The following LYN variants were observed in gnomAD, a reference collection of about 807,000 sequenced individuals.
LYN encodes the protein tyrosine-protein kinase Lyn.
A neutral mutation model predicts 65.0 loss-of-function variants in LYN; 12 were observed. That is an observed-to-expected ratio of 0.18 (90% CI 0.12 to 0.30). The LOEUF is 0.30. Among genes scored for constraint, LYN ranks in the 10% least tolerant of loss-of-function variants. The pLI is 1.00. For synonymous variants in LYN, 222 were observed against 221.2 expected (o/e 1.00, Z -0.03); for missense variants, 380 against 623.2 (o/e 0.61, Z 4.16).
chr8:55,934,694 C>A (rs566327658), intron 1 of LYN, among the ~76,000 whole-genome samples: 1 of 152,314 alleles, frequency 6.6e-6, no homozygotes, highest in Admixed American at 6.5e-5. Flanking sequence ...GAGCCAACTC[C>A]TTATTCAGAC....
intron 1 of LYN, among the ~76,000 whole-genome samples, chr8:55,921,209 A>G (rs554172043): frequency 6.6e-6 from 1 of 152,340 alleles, no homozygotes; most frequent in Non-Finnish European, 1.5e-5. Flanking sequence ...GCTGCTGACC[A>G]CAAACTATGG....
intron 8 of LYN, chr8:55,955,063 G>A (rs952824654): frequency 1.3e-5 from 2 of 152,136 alleles, no homozygotes; most frequent in Non-Finnish European, 2.9e-5. Flanking sequence ...AAGCAAATGT[G>A]ATTTCTAAAT....
chr8:56,003,217 G>T (rs368233871), intron 12 of LYN, among the ~76,000 whole-genome samples: 1 of 150,342 alleles, frequency 6.7e-6, no homozygotes, highest in Non-Finnish European at 1.5e-5. Flanking sequence ...CCGCCACCAC[G>T]CCCAGCTAAT....
intron 4 of LYN, 150 bp downstream of exon 4, chr8:55,947,873 G>A (rs1232818963): frequency 1.6e-6 from 1 of 612,016 alleles, no homozygotes; most frequent in African/African-American, 1.9e-5. Flanking sequence ...CACAGGGAGT[G>A]GGCAGTGGAA....
Position 56,002,406 on chromosome 8 carries a change from G to A in LYN, c.1336+2857G>A, listed in dbSNP as rs563202512. Among the ~76,000 whole-genome samples the A allele has an allele frequency of 6.0e-4, 91 of 150,726 alleles. No homozygotes were observed. The South Asian group carries it at 0.012, about 20-fold the overall frequency. Reference sequence around the variant, plus strand: ...TGCAATCCAGCCTGGGTGACAGAGCGAGACTCCATCTTAAAAAAATAAAAA... The same window carrying A: ...TGCAATCCAGCCTGGGTGACAGAGCAAGACTCCATCTTAAAAAAATAAAAA... On this transcript the variant is annotated intron_variant, in intron 12 of 12. Coordinates refer to ENST00000519728, the MANE Select transcript of LYN (RefSeq NM_002350.4).
chr8:55,941,359 AGGTT>A (rs1168599891), intron 1 of LYN, among the ~76,000 whole-genome samples: 2 of 152,138 alleles, frequency 1.3e-5, no homozygotes, highest in Admixed American at 1.3e-4. Context: ...TGAAGAGATT[AGGTT>A]GATCTAGCTC....
chr8:55,887,561 T>TAA (rs201517305), intron 1 of LYN, among the ~76,000 whole-genome samples: 2,864 of 62,914 alleles, frequency 0.046, 136 homozygotes, highest in East Asian at 0.19. Context: ...AATATAAATA[T>TAA]ATATATATAT....
At chr8:55,973,611 A>C (rs1176321557) in intron 10 of LYN, among the ~76,000 whole-genome samples, 1 of 152,246 alleles carries the variant, frequency 6.6e-6, no homozygotes, top group Admixed American at 6.5e-5. Flanking sequence ...TAGACATGTC[A>C]AACTGAGAGG....
intron 12 of LYN, among the ~76,000 whole-genome samples, chr8:56,001,042 C>T (rs150997257): frequency 1.1e-3 from 168 of 151,896 alleles, no homozygotes; most frequent in African/African-American, 3.5e-3. Flanking sequence ...TAGGGATTGG[C>T]GAGTACTCAC....
intron 1 of LYN, among the ~76,000 whole-genome samples, chr8:55,883,699 AT>A (rs1352414156): frequency 1.3e-5 from 2 of 152,188 alleles, no homozygotes; most frequent in Non-Finnish European, 2.9e-5. Context: ...GAAAATATAA[AT>A]TAAGGAGACA....
chr8:55,914,715 A>G (rs1251925605), intron 1 of LYN, among the ~76,000 whole-genome samples: 2 of 152,164 alleles, frequency 1.3e-5, no homozygotes, highest in Non-Finnish European at 2.9e-5. Flanking sequence ...CCTTCCAGAC[A>G]TGAGAAAACA....
chr8:55,919,090 T>C (rs1805866350), intron 1 of LYN, among the ~76,000 whole-genome samples: 1 of 150,332 alleles, frequency 6.7e-6, no homozygotes, highest in South Asian at 2.1e-4. Context: ...CTGTTGAATG[T>C]TGGTCTGTGT....
chr8:56,010,118 G>A lies in LYN; in HGVS notation c.*8G>A. The A allele has an allele frequency of 6.2e-7, 1 of 1,613,964 alleles. No individual in the cohort carries two copies. Among genetic ancestry groups the A allele is most frequent in the South Asian group, 1.1e-5 (1 of 91,046 alleles). On this transcript the variant is annotated 3_prime_UTR_variant, in exon 13 of 13. Transcript: ENST00000519728. ...TACCAGCAGCAGCCTTAGAGCACAG[G>A]GAGACCCGTCCATTTGGCAGGGGTG...
At chr8:55,971,792 A>G (rs1268997609) in intron 10 of LYN, among the ~76,000 whole-genome samples, 1 of 152,200 alleles carries the variant, frequency 6.6e-6, no homozygotes, top group African/African-American at 2.4e-5. Flanking sequence ...AATTACTACC[A>G]TTACCTCGAA....
At chr8:55,930,574 T>G (rs1297658206) in intron 1 of LYN, among the ~76,000 whole-genome samples, 1 of 152,240 alleles carries the variant, frequency 6.6e-6, no homozygotes, top group South Asian at 2.1e-4. Context: ...GAGCTCATCT[T>G]GTTTTCATAG....
intron 1 of LYN, among the ~76,000 whole-genome samples, chr8:55,881,679 G>T (rs890642240): frequency 6.6e-6 from 1 of 152,190 alleles, no homozygotes; most frequent in East Asian, 1.9e-4. Flanking sequence ...TTGAGTTTTG[G>T]CCTCTTCCAT....
At chr8:56,001,330 G>A (rs1437335666) in intron 12 of LYN, among the ~76,000 whole-genome samples, 1 of 152,190 alleles carries the variant, frequency 6.6e-6, no homozygotes, top group Admixed American at 6.5e-5. Context: ...TGTAGCTGGG[G>A]GTTAGAGTGG....
chr8:55,885,411 A>G (rs1804765015), intron 1 of LYN, among the ~76,000 whole-genome samples: 1 of 152,098 alleles, frequency 6.6e-6, no homozygotes, highest in Admixed American at 6.6e-5. Context: ...GAGCATCTGA[A>G]ATCTTGCTCA....
At chr8:55,902,973 C>T (rs759052252) in intron 1 of LYN, 60 of 316,284 alleles carry the variant, frequency 1.9e-4, no homozygotes, top group East Asian at 4.9e-4. Context: ...CTCAGCCTCC[C>T]GAGTAGCTGG....
Sources: allele counts gnomAD v4.1 joint callset (sites outside exome capture counted in the v4.1 genomes callset), GRCh38; gene constraint gnomAD v4.1.1; transcripts MANE v1.5; gene names NCBI Gene and HGNC (gene_info 2026-07-23, HGNC 2026-07-21).